Variants in EFCAB8 observed in about 807,000 individuals in gnomAD.
The protein encoded by EFCAB8 is EF-hand calcium-binding domain-containing protein 8.
In EFCAB8, 100 loss-of-function variants were observed where a neutral mutation model predicts 116.3. The observed-to-expected ratio is 0.86, with a 90% CI of 0.73 to 1.02. The LOEUF (loss-of-function observed/expected upper bound fraction) is 1.02, where lower values mean the gene tolerates loss of function less well. Among genes scored for constraint, EFCAB8 ranks in the 50% least tolerant of loss-of-function variants. EFCAB8 has a pLI of 0.00. For synonymous variants in EFCAB8, 558 were observed against 567.9 expected (o/e 0.98, Z 0.25); for missense variants, 1,320 against 1,416.9 (o/e 0.93, Z 1.10).
chr20:32,861,441 A>G (rs1984110098), intron 1 of EFCAB8, among the ~76,000 whole-genome samples: 1 of 152,096 alleles, frequency 6.6e-6, no homozygotes, highest in East Asian at 1.9e-4. Context: ...GGCATCCACC[A>G]CCACACCCAG....
chr20:32,950,624 C>T (rs564820912), intron 23 of EFCAB8, among the ~76,000 whole-genome samples: 7 of 152,150 alleles, frequency 4.6e-5, no homozygotes, highest in Non-Finnish European at 7.3e-5. Context: ...AGTTGTGTGT[C>T]TGTTCCCATA....
intron 22 of EFCAB8, among the ~76,000 whole-genome samples, chr20:32,932,302 G>A (rs1257500105): frequency 6.6e-6 from 1 of 152,052 alleles, no homozygotes; most frequent in African/African-American, 2.4e-5. Context: ...ACTTGAACCC[G>A]GGAGGTGGAG....
At chr20:32,941,093 C>T (rs995497757) in intron 22 of EFCAB8, among the ~76,000 whole-genome samples, 1 of 148,854 alleles carries the variant, frequency 6.7e-6, no homozygotes, top group African/African-American at 2.5e-5. Context: ...CTCTACTAAA[C>T]ATACAAAAAT....
rs558414068 is a variant in EFCAB8, at chr20:32,892,097, G to A, written c.674-116G>A. 18 of 917,374 alleles carry A rather than the reference G, an allele frequency of 2.0e-5. No homozygotes were observed. In the East Asian group the frequency reaches 4.5e-4, roughly 23 times the overall value. The allele number at this position is 917,374 out of a possible 1,614,324, so 56.8% of individuals were successfully genotyped here. A position where few individuals can be genotyped will look rare whatever the true frequency, so the allele number is the denominator to read the frequency against. On this transcript the variant is annotated intron_variant, in intron 7 of 26. Transcript: ENST00000400522. ...ACAGCTGTCTGTGGTTGCCATGGGGGAAAAAGGGCTGAAGGGGCCAGAGAT... is the reference window on the plus strand; with the variant it reads ...ACAGCTGTCTGTGGTTGCCATGGGGAAAAAAGGGCTGAAGGGGCCAGAGAT...
At chr20:32,925,627 A>G (rs939477301) in intron 20 of EFCAB8, among the ~76,000 whole-genome samples, 6 of 152,232 alleles carry the variant, frequency 3.9e-5, no homozygotes, top group Non-Finnish European at 8.8e-5. Context: ...TGTTGGGATT[A>G]CAGGCGTGAG....
chr20:32,914,674 A>C (rs1308606452), intron 17 of EFCAB8, among the ~76,000 whole-genome samples: 1 of 152,130 alleles, frequency 6.6e-6, no homozygotes. Context: ...CTTTTAAATC[A>C]TCAGGTCTTG....
At chr20:32,906,191 C>G (rs1157585194) in intron 11 of EFCAB8, among the ~76,000 whole-genome samples, 1 of 152,170 alleles carries the variant, frequency 6.6e-6, no homozygotes, top group Non-Finnish European at 1.5e-5. Context: ...GGGAAGATGC[C>G]TGTCCCAGTA....
chr20:32,911,638 C>G lies in EFCAB8; in HGVS notation c.1716C>G (p.Gly572=). ...ERCLLTGLRD[G]TMKMWNYNIG... ...GCCTGCTCACAGGTTTGCGGGATGG[C>G]ACAATGAAGATGTGGAACTACAACA... The change falls in exon 16 of 27, where the codon GGC becomes GGG. Residue 572 remains glycine, a synonymous_variant. Transcript: ENST00000400522. 1 of 1,551,698 alleles carries G rather than the reference C, an allele frequency of 6.4e-7. No homozygotes were observed. Among genetic ancestry groups the G allele is most frequent in the Non-Finnish European group, 8.7e-7 (1 of 1,147,004 alleles).
chr20:32,909,511 T>C (rs1986821727), intron 14 of EFCAB8, among the ~76,000 whole-genome samples: 1 of 152,060 alleles, frequency 6.6e-6, no homozygotes, highest in Admixed American at 6.6e-5. Flanking sequence ...AGGGAGGGCT[T>C]CCCGGAGGGA....
chr20:32,879,320 C>T (rs1430974948), intron 5 of EFCAB8, among the ~76,000 whole-genome samples: 1 of 152,226 alleles, frequency 6.6e-6, no homozygotes, highest in African/African-American at 2.4e-5. Context: ...GAGTAGGTCC[C>T]TCTGTTACTC....
At chr20:32,954,178 G>A (rs375312053) in intron 23 of EFCAB8, among the ~76,000 whole-genome samples, 22 of 152,156 alleles carry the variant, frequency 1.4e-4, no homozygotes, top group African/African-American at 5.1e-4. Context: ...TGTTTTTTTA[G>A]TGTCATATCC....
chr20:32,918,360 A>G lies in EFCAB8; in HGVS notation c.2062-2A>G, dbSNP rs369947351. 6 of 1,551,746 alleles carry G rather than the reference A, an allele frequency of 3.9e-6. No homozygotes were observed. ...TTAGGGGCTGCTTTCTTCTTGGTAC[A>G]GGTGCAAGATGTGAACAACTGCCTG... On this transcript the variant is annotated splice_acceptor_variant, in intron 18 of 26. Coordinates refer to ENST00000400522, the MANE Select transcript of EFCAB8 (RefSeq NM_001143967.2). LOFTEE classifies it high-confidence loss of function.
chr20:32,926,960 G>A (rs11906931), intron 20 of EFCAB8, among the ~76,000 whole-genome samples: 4,985 of 150,952 alleles, frequency 0.033, 296 homozygotes, highest in African/African-American at 0.11. Context: ...GAATAATGCC[G>A]CAATAAACAT....
At position 32,864,188 on chromosome 20, in the gene EFCAB8, G is replaced by T. The variant is rs545181579; in HGVS notation, c.42+354G>T. 2.0e-5 allele frequency among the ~76,000 whole-genome samples: 3 copies of T among 151,930 alleles called. No individual in the cohort carries two copies. In the South Asian group the frequency reaches 6.3e-4, roughly 32 times the overall value. On this transcript the variant is annotated intron_variant, in intron 2 of 26. Transcript: ENST00000400522. ...GATGGGGTTTTACCATGTTGGCCAG[G>T]CTGGTCTCAAACTCCTGACCTCATG...
chr20:32,910,857 C>A (rs564221000), intron 15 of EFCAB8, among the ~76,000 whole-genome samples: 1 of 151,310 alleles, frequency 6.6e-6, no homozygotes, highest in African/African-American at 2.4e-5. Context: ...CCTGCCTCAG[C>A]CTCCCGAGTA....
chr20:32,931,462 A>T, intron 22 of EFCAB8, 126 bp downstream of exon 22: 1 of 1,270,692 alleles, frequency 7.9e-7, no homozygotes, highest in Non-Finnish European at 1.0e-6. Flanking sequence ...AAATATTGAT[A>T]GAATTAGTAT....
chr20:32,859,046 T>G (rs1375072396), intron 1 of EFCAB8, 40 bp downstream of exon 1: 1 of 471,038 alleles, frequency 2.1e-6, no homozygotes, highest in African/African-American at 2.0e-5. Context: ...CTCCAAAAGA[T>G]TGGATACCTC....
intron 2 of EFCAB8, among the ~76,000 whole-genome samples, chr20:32,866,136 G>A (rs576927456): frequency 2.6e-5 from 4 of 152,244 alleles, no homozygotes; most frequent in Middle Eastern, 3.4e-3. Context: ...CTATGTTCAC[G>A]GTGTATCCAC....
intron 19 of EFCAB8, among the ~76,000 whole-genome samples, chr20:32,919,876 G>A (rs1436701829): frequency 1.3e-5 from 2 of 152,106 alleles, no homozygotes; most frequent in East Asian, 3.9e-4. Context: ...TCAAGTCTCT[G>A]CCCCAATTTT....
Sources: gnomAD v4.1 joint callset for allele counts (sites outside exome capture counted in the v4.1 genomes callset) on GRCh38, gnomAD v4.1.1 for gene constraint, MANE v1.5 for transcripts, NCBI Gene and HGNC (gene_info 2026-07-23, HGNC 2026-07-21) for gene names.